The following CCDC3 variants were observed in gnomAD, a reference collection of about 807,000 sequenced individuals.
The protein encoded by CCDC3 is coiled-coil domain-containing protein 3.
Under a neutral mutation model 21.4 loss-of-function variants are expected in CCDC3, and 24 were observed. That is an observed-to-expected ratio of 1.12 (90% confidence interval 0.81 to 1.58). The LOEUF (loss-of-function observed/expected upper bound fraction) is 1.58. Among genes scored for constraint, CCDC3 ranks in the 40% most tolerant of loss-of-function variants. The pLI, the probability that CCDC3 is intolerant of heterozygous loss-of-function variation, is 0.00. For synonymous variants in CCDC3, 186 were observed against 166.0 expected, an observed-to-expected ratio of 1.12 and a Z score of -0.93; for missense variants, 425 against 360.9, an observed-to-expected ratio of 1.18 and a Z score of -1.44.
intron 1 of CCDC3, among the ~76,000 whole-genome samples, chr10:12,998,780 G>C (rs1214720463): frequency 6.6e-6 from 1 of 152,156 alleles, no homozygotes; most frequent in African/African-American, 2.4e-5. Flanking sequence ...TGTCTTCCAA[G>C]TCCCCCAAGG....
chr10:12,940,443 T>C (rs1362170952), intron 2 of CCDC3, among the ~76,000 whole-genome samples: 1 of 152,132 alleles, frequency 6.6e-6, no homozygotes, highest in Non-Finnish European at 1.5e-5. Flanking sequence ...CTTAGATGTC[T>C]ACAGAAGTCA....
intron 2 of CCDC3, among the ~76,000 whole-genome samples, chr10:12,957,021 T>C (rs142535976): frequency 1.3e-5 from 2 of 152,334 alleles, no homozygotes. Flanking sequence ...TATGTACCTT[T>C]TGCAATTCAG....
intron 2 of CCDC3, among the ~76,000 whole-genome samples, chr10:12,972,457 C>T (rs1167982254): frequency 6.6e-6 from 1 of 152,116 alleles, no homozygotes; most frequent in Non-Finnish European, 1.5e-5. Context: ...TACTACCTAC[C>T]AAGTCCCCTT....
chr10:12,907,939 A>G (rs564582805), intron 2 of CCDC3, among the ~76,000 whole-genome samples: 3 of 152,358 alleles, frequency 2.0e-5, no homozygotes, highest in African/African-American at 7.2e-5. Flanking sequence ...GGCCAGGGCC[A>G]GCCCTGCTGA....
intron 2 of CCDC3, among the ~76,000 whole-genome samples, chr10:12,983,157 TATATATATATATATATAA>T (rs1835532248): frequency 4.4e-5 from 3 of 68,552 alleles, no homozygotes; most frequent in Non-Finnish European, 1.0e-4. Context: ...TATATATATA[TATATATATATATATATAA>T]AATCTATAGC....
chr10:12,904,468 T>A (rs1474459515), intron 2 of CCDC3, among the ~76,000 whole-genome samples: 7 of 40,918 alleles, frequency 1.7e-4, no homozygotes, highest in African/African-American at 3.6e-4. Context: ...AAGCCAGTCT[T>A]AAAAAAAAAA....
At chr10:13,008,385 G>A (rs1290125469) in intron 5 of CCDC3, among the ~76,000 whole-genome samples, 2 of 152,192 alleles carry the variant, frequency 1.3e-5, no homozygotes, top group Non-Finnish European at 2.9e-5. Flanking sequence ...GGGTAATGAG[G>A]ATGTCCATGT....
chr10:12,990,610 A>T (rs1835666908), intron 2 of CCDC3, among the ~76,000 whole-genome samples: 1 of 152,236 alleles, frequency 6.6e-6, no homozygotes, highest in Non-Finnish European at 1.5e-5. Flanking sequence ...GCTCTCAAGC[A>T]AAAATTAGAA....
At chr10:12,967,193 G>T (rs747549557) in intron 2 of CCDC3, among the ~76,000 whole-genome samples, 15 of 152,260 alleles carry the variant, frequency 9.9e-5, no homozygotes, top group Non-Finnish European at 1.6e-4. Context: ...AAACAGCATA[G>T]GTCTTCCTAT....
chr10:12,982,624 T>A (rs529593060), intron 2 of CCDC3, among the ~76,000 whole-genome samples: 1 of 149,990 alleles, frequency 6.7e-6, no homozygotes, highest in East Asian at 2.0e-4. Flanking sequence ...TGAAATCCCA[T>A]CTCTACTAAA....
chr10:13,002,241 T>C (rs1012923786), upstream of CCDC3, among the ~76,000 whole-genome samples: 1 of 152,196 alleles, frequency 6.6e-6, no homozygotes, highest in Non-Finnish European at 1.5e-5. Context: ...GTTTCCATAA[T>C]CCCTGATTCC....
chr10:13,028,508 T>C (rs1040379656), intron 5 of CCDC3, among the ~76,000 whole-genome samples: 5 of 151,624 alleles, frequency 3.3e-5, no homozygotes, highest in Non-Finnish European at 5.9e-5. Context: ...AACAACTCAT[T>C]GGGATTTTGA....
At chr10:13,008,679 G>A (rs976418208) in intron 5 of CCDC3, among the ~76,000 whole-genome samples, 1 of 152,190 alleles carries the variant, frequency 6.6e-6, no homozygotes, top group Non-Finnish European at 1.5e-5. Flanking sequence ...ATGTGAATTT[G>A]TGGATATACA....
intron 2 of CCDC3, among the ~76,000 whole-genome samples, chr10:12,920,197 C>A (rs144067879): frequency 6.6e-6 from 1 of 152,024 alleles, no homozygotes; most frequent in African/African-American, 2.4e-5. Context: ...TCTTACATGG[C>A]GGCAGGCACG....
At chr10:13,095,350 C>A (rs991400334) in intron 3 of CCDC3, among the ~76,000 whole-genome samples, 1 of 151,698 alleles carries the variant, frequency 6.6e-6, no homozygotes, top group Non-Finnish European at 1.5e-5. Context: ...GGAGCAGGGG[C>A]ACACCCTTTG....
chr10:13,006,578 G>T (rs189447121), upstream of CCDC3, among the ~76,000 whole-genome samples: 1 of 152,328 alleles, frequency 6.6e-6, no homozygotes, highest in East Asian at 1.9e-4. Context: ...TGGTAGAAAT[G>T]AAAGTTCTAG....
At chr10:12,903,455 A>T (rs7089884) in intron 2 of CCDC3, among the ~76,000 whole-genome samples, 129,751 of 152,290 alleles carry the variant, frequency 0.85, 55,793 homozygotes, top group Middle Eastern at 0.92. Context: ...TATTTGCTCA[A>T]TTTGCTTTGT....
chr10:13,088,548 G>A (rs1489578856), intron 3 of CCDC3, among the ~76,000 whole-genome samples: 2 of 152,134 alleles, frequency 1.3e-5, no homozygotes, highest in African/African-American at 2.4e-5. Context: ...GAGAACTAGA[G>A]ATGAAAACTA....
chr10:13,096,304 C>T (rs1832628819), intron 3 of CCDC3, among the ~76,000 whole-genome samples: 1 of 152,122 alleles, frequency 6.6e-6, no homozygotes, highest in South Asian at 2.1e-4. Context: ...CTGCCTCAGC[C>T]TCTCAAGTAG....
Sources: allele counts gnomAD v4.1 joint callset (sites outside exome capture counted in the v4.1 genomes callset), GRCh38; gene constraint gnomAD v4.1.1; transcripts MANE v1.5; gene names NCBI Gene and HGNC (gene_info 2026-07-23, HGNC 2026-07-21).